SPIDR: variants seen among roughly 807,000 people sequenced by gnomAD.
SPIDR encodes scaffold protein involved in DNA repair.
SPIDR carries 93 observed loss-of-function variants against 104.6 expected under a neutral mutation model. The ratio of observed to expected loss-of-function variants is 0.89; its 90% confidence interval spans 0.75 to 1.06. The LOEUF (loss-of-function observed/expected upper bound fraction) is 1.06, where lower values mean the gene tolerates loss of function less well. SPIDR is among the 50% of genes least tolerant of loss of function. SPIDR has a pLI of 0.00. For missense variants in SPIDR, 1,154 were observed against 1,111.2 expected, an observed-to-expected ratio of 1.04 and a Z score of -0.55; for synonymous variants, 431 against 416.9, an observed-to-expected ratio of 1.03 and a Z score of -0.41.
intron 5 of SPIDR, among the ~76,000 whole-genome samples, chr8:47,350,083 T>A (rs1464757078): frequency 6.6e-6 from 1 of 152,194 alleles, no homozygotes; most frequent in Non-Finnish European, 1.5e-5. Context: ...CTGGAGCTGT[T>A]CCTATTCAGC....
chr8:47,275,977 C>T (rs2036347129), intron 1 of SPIDR, among the ~76,000 whole-genome samples: 3 of 152,288 alleles, frequency 2.0e-5, no homozygotes, highest in East Asian at 3.9e-4. Flanking sequence ...TTGCCTCAGA[C>T]CCCTGAGTAG....
At chr8:47,507,349 C>T (rs150612367) in intron 8 of SPIDR, among the ~76,000 whole-genome samples, 10 of 152,344 alleles carry the variant, frequency 6.6e-5, no homozygotes, top group African/African-American at 2.2e-4. Flanking sequence ...TGATTGATAC[C>T]TCATGCCATC....
intron 7 of SPIDR, among the ~76,000 whole-genome samples, chr8:47,423,321 C>T (rs1323671837): frequency 6.7e-6 from 1 of 148,262 alleles, no homozygotes; most frequent in African/African-American, 2.5e-5. Flanking sequence ...AATAGAGCAG[C>T]AAGAGCCAGG....
At chr8:47,588,696 T>C (rs1460240320) in intron 8 of SPIDR, among the ~76,000 whole-genome samples, 1 of 152,186 alleles carries the variant, frequency 6.6e-6, no homozygotes. Context: ...TTAATGCTAG[T>C]TGTGGGATTT....
chr8:47,659,662 C>T, intron 10 of SPIDR: 2 of 984,640 alleles, frequency 2.0e-6, no homozygotes, highest in African/African-American at 1.7e-5. Flanking sequence ...CTCGCCCCCG[C>T]CTTTTCTCAG....
intron 9 of SPIDR, among the ~76,000 whole-genome samples, chr8:47,597,213 A>G (rs2061719134): frequency 6.6e-6 from 1 of 152,216 alleles, no homozygotes; most frequent in South Asian, 2.1e-4. Flanking sequence ...GCAACTGGCA[A>G]CACACTACCT....
At chr8:47,312,079 A>G (rs1363989751) in intron 5 of SPIDR, among the ~76,000 whole-genome samples, 1 of 152,216 alleles carries the variant, frequency 6.6e-6, no homozygotes, top group East Asian at 1.9e-4. Context: ...ATAGTATTCC[A>G]TGGTGGATAT....
intron 5 of SPIDR, among the ~76,000 whole-genome samples, chr8:47,385,747 T>C (rs2059824556): frequency 6.6e-6 from 1 of 152,246 alleles, no homozygotes; most frequent in African/African-American, 2.4e-5. Flanking sequence ...ATGGGAGTTT[T>C]TTGTACATCA....
chr8:47,389,788 C>T (rs1434263151), intron 5 of SPIDR, among the ~76,000 whole-genome samples: 2 of 149,672 alleles, frequency 1.3e-5, no homozygotes, highest in Non-Finnish European at 3.0e-5. Context: ...TCAGGAATAA[C>T]TGTGGTTAAG....
At chr8:47,694,917 T>G (rs1446154336) in intron 11 of SPIDR, among the ~76,000 whole-genome samples, 1 of 152,138 alleles carries the variant, frequency 6.6e-6, no homozygotes, top group Non-Finnish European at 1.5e-5. Context: ...ATAATCAACC[T>G]ATTAGATGAC....
chr8:47,303,150 G>A (rs1362586480), intron 5 of SPIDR, among the ~76,000 whole-genome samples: 4 of 152,206 alleles, frequency 2.6e-5, no homozygotes, highest in Non-Finnish European at 5.9e-5. Context: ...AATGGTGGCT[G>A]CCCCTCCCGC....
At chr8:47,589,798 T>A (rs1047441634) in intron 8 of SPIDR, among the ~76,000 whole-genome samples, 3 of 152,194 alleles carry the variant, frequency 2.0e-5, no homozygotes, top group African/African-American at 7.2e-5. Flanking sequence ...GTCAATTCAT[T>A]GATCTTTTCA....
chr8:47,602,421 G>A (rs117560406), intron 10 of SPIDR, among the ~76,000 whole-genome samples: 1,668 of 152,244 alleles, frequency 0.011, 19 homozygotes, highest in Non-Finnish European at 0.018. Context: ...CAAACTATCC[G>A]TGAACTTAAA....
At chr8:47,462,120 T>C (rs950057919) in intron 8 of SPIDR, among the ~76,000 whole-genome samples, 1 of 152,144 alleles carries the variant, frequency 6.6e-6, no homozygotes, top group Admixed American at 6.5e-5. Flanking sequence ...CTTGATGTAG[T>C]ACTCTCTGCC....
rs566694216 is a variant in SPIDR at position 47,355,174 on chromosome 8, C to T, written c.526-41202C>T. On this transcript the variant is annotated intron_variant, in intron 5 of 19. Transcript: ENST00000297423. ...TTTCAGCACATTGGCCAGCTGGTCA[C>T]TAAACTCCTGGCCTCAGGTGGTCCA... Among the ~76,000 whole-genome samples the T allele has an allele frequency of 2.4e-3, 364 of 151,070 alleles. 1 individual carries two copies. Among genetic ancestry groups the T allele is most frequent in the South Asian group, 0.012 (59 of 4,790 alleles).
At chr8:47,540,641 A>G (rs2087917180) in intron 8 of SPIDR, among the ~76,000 whole-genome samples, 1 of 152,176 alleles carries the variant, frequency 6.6e-6, no homozygotes, top group African/African-American at 2.4e-5. Flanking sequence ...AATGATTTAC[A>G]GTATTGCCAG....
At chr8:47,313,440 G>A (rs183451259) in intron 5 of SPIDR, among the ~76,000 whole-genome samples, 33 of 152,218 alleles carry the variant, frequency 2.2e-4, no homozygotes, top group Middle Eastern at 6.8e-3. Context: ...AGAACATTCC[G>A]TGCTCATGGG....
At chr8:47,360,938 C>T (rs981998919) in intron 5 of SPIDR, 1 of 985,074 alleles carries the variant, frequency 1.0e-6, no homozygotes, top group African/African-American at 1.7e-5. Context: ...ACCAGTACTT[C>T]TGGAGTGTAT....
intron 16 of SPIDR, among the ~76,000 whole-genome samples, chr8:47,717,174 G>A (rs1336310355): frequency 6.6e-6 from 1 of 152,226 alleles, no homozygotes; most frequent in African/African-American, 2.4e-5. Context: ...CTTTGGCAGT[G>A]ACCCATCGCT....
Sources: gnomAD v4.1 joint callset for allele counts (sites outside exome capture counted in the v4.1 genomes callset) on GRCh38, gnomAD v4.1.1 for gene constraint, MANE v1.5 for transcripts, NCBI Gene and HGNC (gene_info 2026-07-23, HGNC 2026-07-21) for gene names.